The following ARL17B variants were observed in gnomAD, a reference collection of about 807,000 sequenced individuals.
ARL17B encodes the protein ARF like GTPase 17B.
chr17:46,288,961 A>G (rs1274560933), intron 4 of ARL17B, among the ~76,000 whole-genome samples: 2 of 152,144 alleles, frequency 1.3e-5, no homozygotes, highest in Admixed American at 6.5e-5. Flanking sequence ...TCAGCCTCCC[A>G]AAGTGCTGGG....
At chr17:46,283,547 A>C (rs2049826640) in intron 4 of ARL17B, among the ~76,000 whole-genome samples, 1 of 152,266 alleles carries the variant, frequency 6.6e-6, no homozygotes, top group Admixed American at 6.5e-5. Flanking sequence ...TCTAGTAATA[A>C]GTTACCTAAG....
At chr17:46,278,049 G>A (rs2049641255) in intron 4 of ARL17B, among the ~76,000 whole-genome samples, 1 of 152,110 alleles carries the variant, frequency 6.6e-6, no homozygotes, top group Admixed American at 6.5e-5. Flanking sequence ...ACGTTCAAGT[G>A]ATTCTTCTGC....
chr17:46,332,414 G>T, downstream of ARL17B: 7 of 370,166 alleles, frequency 1.9e-5, no homozygotes, highest in Non-Finnish European at 2.7e-5. Context: ...ATTGCACCAC[G>T]GTACCCAAGC....
chr17:46,277,234 A>C (rs1334117794), intron 4 of ARL17B, among the ~76,000 whole-genome samples: 3 of 152,208 alleles, frequency 2.0e-5, no homozygotes, highest in Non-Finnish European at 2.9e-5. Context: ...AGACATCCTA[A>C]GTGGCCCCTA....
chr17:46,281,523 G>A (rs1258101499), intron 4 of ARL17B, among the ~76,000 whole-genome samples: 1 of 152,046 alleles, frequency 6.6e-6, no homozygotes, highest in Non-Finnish European at 1.5e-5. Flanking sequence ...TTGAACTCCT[G>A]GGCACAAGTG....
intron 3 of ARL17B, among the ~76,000 whole-genome samples, chr17:46,304,956 C>T (rs1300551085): frequency 1.4e-5 from 1 of 69,644 alleles, no homozygotes; most frequent in Non-Finnish European, 4.4e-5. Flanking sequence ...GCAAGGTCCG[C>T]CTCCTGGGTT....
chr17:46,333,041 G>A (rs1468911509), downstream of ARL17B, among the ~76,000 whole-genome samples: 2 of 133,766 alleles, frequency 1.5e-5, no homozygotes, highest in South Asian at 2.6e-4. Context: ...CCACCCTCAC[G>A]GAGTTGTCAT....
chr17:46,284,656 G>A (rs1296189257), intron 4 of ARL17B, among the ~76,000 whole-genome samples: 19 of 152,254 alleles, frequency 1.2e-4, no homozygotes, highest in Non-Finnish European at 2.5e-4. Flanking sequence ...CTGTCACTGA[G>A]TGATGCTGGC....
Position 46,300,197 on chromosome 17 carries a change from T to G in ARL17B, c.260-532A>C, listed in dbSNP as rs1478092025. ...GGCACAATCACAGCTCACTGCAGCC[T>G]TCACCTCCCAGGCCCAAGTGATCCT... is the stretch of plus-strand genomic sequence containing the variant. On this transcript the variant is annotated intron_variant, in intron 3 of 4. Coordinates refer to the ARL17B transcript ENST00000434041. Among the ~76,000 whole-genome samples the G allele has an allele frequency of 1.6e-4, 7 of 43,040 alleles. 3 individuals are homozygous for G. The highest frequency in any genetic ancestry group is 5.3e-4 in the Non-Finnish European group (7 of 13,098). 28.2% of individuals were successfully genotyped at this position (43,040 alleles called of 152,430 possible).
intron 4 of ARL17B, among the ~76,000 whole-genome samples, chr17:46,280,691 A>G (rs1201718213): frequency 6.7e-6 from 1 of 149,158 alleles, no homozygotes; most frequent in Non-Finnish European, 1.5e-5. Flanking sequence ...CTCATGCCTC[A>G]GCCTCCTGTG....
chr17:46,291,454 C>T (rs1315422609), intron 4 of ARL17B, among the ~76,000 whole-genome samples: 2 of 151,718 alleles, frequency 1.3e-5, no homozygotes, highest in East Asian at 3.9e-4. Flanking sequence ...AAGAGTTTCT[C>T]GGGGGTAAGG....
At chr17:46,282,465 G>T (rs2049794963) in intron 4 of ARL17B, among the ~76,000 whole-genome samples, 1 of 150,998 alleles carries the variant, frequency 6.6e-6, no homozygotes, top group Non-Finnish European at 1.5e-5. Context: ...CCCAGGCTGG[G>T]GTGGAGTGGC....
intron 4 of ARL17B, among the ~76,000 whole-genome samples, chr17:46,287,580 T>G (rs567971396): frequency 6.6e-6 from 1 of 152,258 alleles, no homozygotes; most frequent in Non-Finnish European, 1.5e-5. Context: ...GAATAAACAT[T>G]GGAATTTAAT....
At chr17:46,281,277 C>G (rs1375796877) in intron 4 of ARL17B, among the ~76,000 whole-genome samples, 2 of 151,750 alleles carry the variant, frequency 1.3e-5, no homozygotes, top group African/African-American at 2.4e-5. Flanking sequence ...CTGCTAAATT[C>G]CCTGTATCTG....
At chr17:46,333,387 C>G, downstream of ARL17B, among the ~76,000 whole-genome samples, 2 of 46,248 alleles carry the variant, frequency 4.3e-5, 1 homozygote. Flanking sequence ...GGGACAAGTC[C>G]TGTTTACAGT....
rs543049590 is a variant in ARL17B, at chr17:46,325,629, A to G, written c.260-25964T>C. Among the ~76,000 whole-genome samples the G allele has an allele frequency of 2.4e-5, 2 of 81,680 alleles. 1 individual carries two copies. Among genetic ancestry groups the G allele is most frequent in the East Asian group, 4.8e-4 (2 of 4,146 alleles). 53.6% of individuals were successfully genotyped at this position (81,680 alleles called of 152,430 possible). On this transcript the variant is annotated intron_variant, in intron 3 of 4. Transcript: ENST00000434041. ...CCATGTTATGATTAGGACAATTGTG[A>G]AAATGTGTATACGGACCGCATAGTA...
intron 4 of ARL17B, among the ~76,000 whole-genome samples, chr17:46,291,969 C>CAAA (rs59554870): frequency 8.6e-5 from 5 of 58,086 alleles, no homozygotes; most frequent in Non-Finnish European, 1.6e-4. Context: ...TCTCAAAAAG[C>CAAA]AAAAAAAAAA....
chr17:46,287,591 C>T lies in ARL17B; in HGVS notation c.*21+11935G>A, dbSNP rs1204392233. 3.9e-5 allele frequency among the ~76,000 whole-genome samples: 6 copies of T among 152,340 alleles called. No individual in the cohort carries two copies. In the East Asian group the frequency reaches 9.6e-4, roughly 24 times the overall value. ...TTCTGAATAAACATTGGAATTTAATCGAATTAAAAATAATTTCTCATAATG... is the reference window on the plus strand; with the variant it reads ...TTCTGAATAAACATTGGAATTTAATTGAATTAAAAATAATTTCTCATAATG... On this transcript the variant is annotated intron_variant, in intron 4 of 4. Coordinates refer to the ARL17B transcript ENST00000570618.
At chr17:46,275,209 T>C (rs1448474464) in exon 5 of ARL17B, 4 of 340,454 alleles carry the variant, frequency 1.2e-5, no homozygotes, top group Non-Finnish European at 2.0e-5. Context: ...TTTTTTCTTG[T>C]CCATTGGACA....
Sources: gnomAD v4.1 joint callset for allele counts (sites outside exome capture counted in the v4.1 genomes callset) on GRCh38, gnomAD v4.1.1 for gene constraint, MANE v1.5 for transcripts, NCBI Gene and HGNC (gene_info 2026-07-23, HGNC 2026-07-21) for gene names.